The following TENM2 variants were observed in gnomAD, a reference collection of about 807,000 sequenced individuals.
TENM2 encodes teneurin transmembrane protein 2.
Under a neutral mutation model 245.2 loss-of-function variants are expected in TENM2, and 52 were observed. The ratio of observed to expected loss-of-function variants is 0.21; its 90% CI spans 0.17 to 0.27. The LOEUF is 0.27. Ranked by LOEUF, TENM2 falls within the 10% of genes least tolerant of loss-of-function variation. TENM2 has a pLI of 1.00. For missense variants in TENM2, 3,046 were observed against 3,666.8 expected (o/e 0.83, Z 4.37); for synonymous variants, 1,363 against 1,438.9 (o/e 0.95, Z 1.19).
intron 7 of TENM2, among the ~76,000 whole-genome samples, chr5:168,081,773 G>A (rs1484392168): frequency 6.6e-6 from 1 of 152,172 alleles, no homozygotes; most frequent in Non-Finnish European, 1.5e-5. Context: ...CTCTCTTCTG[G>A]CTTGTAGAGT....
chr5:168,025,174 A>G (rs1254409393), intron 5 of TENM2, among the ~76,000 whole-genome samples: 2 of 152,250 alleles, frequency 1.3e-5, no homozygotes, highest in Non-Finnish European at 2.9e-5. Flanking sequence ...GTCTTCAAAA[A>G]AAATGTATTG....
chr5:167,312,169 CAT>C (rs1174522112), intron 1 of TENM2, among the ~76,000 whole-genome samples: 1 of 152,100 alleles, frequency 6.6e-6, no homozygotes, highest in East Asian at 1.9e-4. Flanking sequence ...ATATAAATCA[CAT>C]GTAACATATT....
chr5:167,435,533 T>A (rs1192425630), intron 2 of TENM2, among the ~76,000 whole-genome samples: 1 of 152,162 alleles, frequency 6.6e-6, no homozygotes, highest in African/African-American at 2.4e-5. Context: ...CTTTTGTAAA[T>A]TACCCACTCT....
At chr5:167,523,728 C>T (rs774646066) in intron 2 of TENM2, among the ~76,000 whole-genome samples, 1 of 152,116 alleles carries the variant, frequency 6.6e-6, no homozygotes, top group Non-Finnish European at 1.5e-5. Context: ...TCTTTAGCAC[C>T]TAATAGAATA....
intron 22 of TENM2, among the ~76,000 whole-genome samples, chr5:168,217,587 G>T (rs374453063): frequency 6.6e-6 from 1 of 152,222 alleles, no homozygotes; most frequent in Admixed American, 6.5e-5. Flanking sequence ...GGAAGGATGC[G>T]TTCGGTTCCG....
At chr5:167,663,453 T>G (rs756920151) in intron 2 of TENM2, among the ~76,000 whole-genome samples, 4 of 152,218 alleles carry the variant, frequency 2.6e-5, no homozygotes, top group Non-Finnish European at 5.9e-5. Context: ...AAACTCTTTT[T>G]CTCTGTAGGC....
At chr5:168,161,039 A>G (rs1458083767) in intron 12 of TENM2, among the ~76,000 whole-genome samples, 1 of 152,118 alleles carries the variant, frequency 6.6e-6, no homozygotes, top group Admixed American at 6.5e-5. Context: ...TCAAATTCCC[A>G]CCACTGCCAT....
chr5:167,359,038 T>G (rs1206125580), intron 1 of TENM2, among the ~76,000 whole-genome samples: 3 of 152,170 alleles, frequency 2.0e-5, no homozygotes, highest in Admixed American at 2.0e-4. Context: ...GTCTTTCCCA[T>G]GCAATCTTAA....
chr5:168,105,191 G>A (rs551452276), intron 9 of TENM2, among the ~76,000 whole-genome samples: 3 of 152,266 alleles, frequency 2.0e-5, no homozygotes, highest in South Asian at 2.1e-4. Flanking sequence ...CGCTGGGAGA[G>A]GCATGTGAAA....
At chr5:167,981,102 C>G (rs989251395) in intron 4 of TENM2, among the ~76,000 whole-genome samples, 4 of 152,210 alleles carry the variant, frequency 2.6e-5, no homozygotes, top group Non-Finnish European at 2.9e-5. Context: ...GAAGGCCCAG[C>G]CTCCTTTGCC....
At chr5:168,092,789 C>T (rs374178322) in intron 8 of TENM2, among the ~76,000 whole-genome samples, 61 of 152,336 alleles carry the variant, frequency 4.0e-4, no homozygotes, top group African/African-American at 1.4e-3. Context: ...TTGACACGTA[C>T]GTGACAGCAC....
intron 2 of TENM2, among the ~76,000 whole-genome samples, chr5:167,724,551 G>A (rs1047144818): frequency 2.0e-5 from 3 of 152,154 alleles, no homozygotes; most frequent in African/African-American, 7.2e-5. Flanking sequence ...AGTAGAGTAG[G>A]AAGGAGATGA....
the TENM2 span, among the ~76,000 whole-genome samples, chr5:167,044,080 G>GGAAGGAAGGAAGGGAA: frequency 6.6e-6 from 1 of 150,626 alleles, no homozygotes; most frequent in Non-Finnish European, 1.5e-5. Flanking sequence ...AAGGAAGGAA[G>GGAAGGAAGGAAGGGAA]GAAAGACTGT....
intron 1 of TENM2, among the ~76,000 whole-genome samples, chr5:167,368,866 C>T (rs952537575): frequency 1.3e-5 from 2 of 152,082 alleles, no homozygotes; most frequent in Admixed American, 6.5e-5. Context: ...CTACCATTCC[C>T]CTCAGGTCCT....
chr5:167,397,003 A>C (rs1762089892), intron 2 of TENM2, among the ~76,000 whole-genome samples: 1 of 152,166 alleles, frequency 6.6e-6, no homozygotes, highest in Non-Finnish European at 1.5e-5. Flanking sequence ...TTTCTCAATG[A>C]AGGCAGTGAT....
intron 4 of TENM2, among the ~76,000 whole-genome samples, chr5:167,985,977 G>C (rs1373194195): frequency 6.6e-6 from 1 of 152,198 alleles, no homozygotes; most frequent in Non-Finnish European, 1.5e-5. Flanking sequence ...TGTATCATAA[G>C]AATAAAATAA....
At chr5:168,066,600 T>G (rs1486725556) in intron 7 of TENM2, among the ~76,000 whole-genome samples, 2 of 152,220 alleles carry the variant, frequency 1.3e-5, no homozygotes, top group Non-Finnish European at 2.9e-5. Context: ...TATTATTGTT[T>G]CTAAAGCTTT....
chr5:167,199,570 T>A, the TENM2 span, among the ~76,000 whole-genome samples: 1 of 152,138 alleles, frequency 6.6e-6, no homozygotes. Flanking sequence ...GCAGCTGCAG[T>A]GAATGCTTAC....
At chr5:166,994,058 G>A in the TENM2 span, among the ~76,000 whole-genome samples, 1 of 151,794 alleles carries the variant, frequency 6.6e-6, no homozygotes, top group South Asian at 2.1e-4. Flanking sequence ...GCATATATAT[G>A]AGATATATAC....
Sources: allele counts gnomAD v4.1 joint callset (sites outside exome capture counted in the v4.1 genomes callset), GRCh38; gene constraint gnomAD v4.1.1; transcripts MANE v1.5; gene names NCBI Gene and HGNC (gene_info 2026-07-23, HGNC 2026-07-21).